Variants in UNC13C observed in about 807,000 individuals in gnomAD.
UNC13C encodes the protein unc-13 homolog C.
A neutral mutation model predicts 245.4 loss-of-function variants in UNC13C; 174 were observed. The ratio of observed to expected loss-of-function variants is 0.71; its 90% CI spans 0.63 to 0.80. UNC13C has a LOEUF of 0.80. UNC13C is among the 30% of genes least tolerant of loss of function. The pLI, the probability that UNC13C is intolerant of heterozygous loss-of-function variation, is 0.00. For missense variants in UNC13C, 2,829 were observed against 2,602.9 expected, an observed-to-expected ratio of 1.09 and a Z score of -1.89; for synonymous variants, 992 against 895.1, an observed-to-expected ratio of 1.11 and a Z score of -1.93.
intron 4 of UNC13C, among the ~76,000 whole-genome samples, chr15:54,228,398 T>C (rs2035455750): frequency 6.6e-6 from 1 of 151,826 alleles, no homozygotes; most frequent in Non-Finnish European, 1.5e-5. Context: ...TTCACCCTTT[T>C]CTCTCCGTTT....
intron 26 of UNC13C, among the ~76,000 whole-genome samples, chr15:54,536,545 G>A (rs1226776558): frequency 6.6e-6 from 1 of 151,688 alleles, no homozygotes; most frequent in Non-Finnish European, 1.5e-5. Flanking sequence ...AAAACTTCAG[G>A]TCAATATCTT....
upstream of UNC13C, among the ~76,000 whole-genome samples, chr15:53,974,294 C>A (rs1167345312): frequency 6.6e-6 from 1 of 152,102 alleles, no homozygotes; most frequent in Non-Finnish European, 1.5e-5. Flanking sequence ...ACCATTTGGA[C>A]CAAGAAATAG....
chr15:54,506,314 A>G (rs1361112531), intron 22 of UNC13C, among the ~76,000 whole-genome samples: 1 of 152,206 alleles, frequency 6.6e-6, no homozygotes, highest in Admixed American at 6.5e-5. Flanking sequence ...TAGTATTCAT[A>G]CGTACAAACG....
intron 2 of UNC13C, among the ~76,000 whole-genome samples, chr15:54,069,526 T>C (rs1015050329): frequency 1.3e-5 from 2 of 152,214 alleles, no homozygotes; most frequent in African/African-American, 4.8e-5. Context: ...ATTGCTCTCA[T>C]GTATATATTG....
chr15:53,888,170 A>G, the UNC13C span, among the ~76,000 whole-genome samples: 2 of 152,180 alleles, frequency 1.3e-5, no homozygotes, highest in Non-Finnish European at 2.9e-5. Context: ...ATTCCCACCA[A>G]CAGTGTAAAA....
the UNC13C span, chr15:53,947,515 A>G: frequency 6.6e-6 from 1 of 152,204 alleles, no homozygotes; most frequent in Non-Finnish European, 1.5e-5. Context: ...TTAATGCTCT[A>G]CCAACTGGAA....
At chr15:54,082,024 A>C (rs1374823021) in intron 2 of UNC13C, among the ~76,000 whole-genome samples, 1 of 152,022 alleles carries the variant, frequency 6.6e-6, no homozygotes, top group Non-Finnish European at 1.5e-5. Flanking sequence ...GAAAAGTTTT[A>C]TTTCTTTTTC....
At chr15:54,545,845 A>C (rs994707772) in intron 26 of UNC13C, among the ~76,000 whole-genome samples, 3 of 152,158 alleles carry the variant, frequency 2.0e-5, no homozygotes, top group African/African-American at 7.2e-5. Context: ...AATGTGGAGA[A>C]ATAGGAACAC....
intron 4 of UNC13C, among the ~76,000 whole-genome samples, chr15:54,184,542 T>A (rs922041519): frequency 2.0e-5 from 3 of 152,124 alleles, no homozygotes; most frequent in African/African-American, 7.2e-5. Flanking sequence ...CTTGCGATAG[T>A]TTGCTGAGAA....
chr15:54,260,701 A>G (rs1452428788), intron 8 of UNC13C, among the ~76,000 whole-genome samples: 1 of 148,404 alleles, frequency 6.7e-6, no homozygotes, highest in Non-Finnish European at 1.5e-5. Flanking sequence ...AGTTATATAT[A>G]GTCATATAAT....
intron 22 of UNC13C, among the ~76,000 whole-genome samples, chr15:54,505,363 T>C (rs896744681): frequency 6.6e-6 from 1 of 152,188 alleles, no homozygotes; most frequent in Non-Finnish European, 1.5e-5. Flanking sequence ...AAACTTTGTA[T>C]GCATTGGAAT....
the UNC13C span, among the ~76,000 whole-genome samples, chr15:53,930,577 A>G: frequency 6.6e-6 from 1 of 152,174 alleles, no homozygotes; most frequent in Admixed American, 6.5e-5. Flanking sequence ...AACTAAATAC[A>G]CAAACACTGG....
intron 28 of UNC13C, among the ~76,000 whole-genome samples, chr15:54,553,045 G>T (rs1428528902): frequency 2.8e-4 from 8 of 28,832 alleles, no homozygotes; most frequent in Admixed American, 5.3e-4. Flanking sequence ...AATATATATT[G>T]TATTCTATAT....
intron 17 of UNC13C, among the ~76,000 whole-genome samples, chr15:54,378,767 C>T (rs1165978890): frequency 2.6e-5 from 4 of 151,900 alleles, no homozygotes; most frequent in East Asian, 3.9e-4. Flanking sequence ...TCTATTATAA[C>T]GTGCTGTTAA....
the UNC13C span, among the ~76,000 whole-genome samples, chr15:53,840,854 T>A: frequency 2.0e-5 from 3 of 152,128 alleles, no homozygotes; most frequent in African/African-American, 7.2e-5. Flanking sequence ...GGCCTCATAC[T>A]GCTCTGCTCA....
intron 19 of UNC13C, chr15:54,417,021 A>G (rs1190879395): frequency 4.4e-6 from 2 of 456,090 alleles, no homozygotes; most frequent in South Asian, 1.6e-5. Flanking sequence ...CCCTCACCGC[A>G]TTATCTGTAG....
rs144601350 is a variant in UNC13C at position 54,498,701 on chromosome 15, G to A, written c.5061-1378G>A. Among the ~76,000 whole-genome samples the A allele has an allele frequency of 2.0e-3, 302 of 152,056 alleles. 1 individual carries two copies. Among genetic ancestry groups the A allele is most frequent in the Middle Eastern group, 0.01 (3 of 294 alleles). ...ACCACAAATAAATGTGATGAACGGC[G>A]TACAAGCCATGTTTTCAAGCAACTA... On this transcript the variant is annotated intron_variant, in intron 20 of 32. Transcript: ENST00000260323.
chr15:54,092,817 T>C (rs1286277197), intron 2 of UNC13C, among the ~76,000 whole-genome samples: 1 of 152,180 alleles, frequency 6.6e-6, no homozygotes, highest in African/African-American at 2.4e-5. Context: ...TCTTTTAGTG[T>C]GGATTTTGAT....
chr15:54,099,159 C>A (rs1900036072), intron 2 of UNC13C, among the ~76,000 whole-genome samples: 1 of 152,072 alleles, frequency 6.6e-6, no homozygotes, highest in African/African-American at 2.4e-5. Flanking sequence ...AAGAGTAGAA[C>A]CAAAAGTGAT....
Sources: allele counts gnomAD v4.1 joint callset (sites outside exome capture counted in the v4.1 genomes callset), GRCh38; gene constraint gnomAD v4.1.1; transcripts MANE v1.5; gene names NCBI Gene and HGNC (gene_info 2026-07-23, HGNC 2026-07-21).